Variants in TMEM45A observed in about 807,000 individuals in gnomAD.
The protein encoded by TMEM45A is DNA polymerase-transactivated protein 4.
A neutral mutation model predicts 32.0 loss-of-function variants in TMEM45A; 25 were observed. The observed-to-expected ratio is 0.78, with a 90% CI of 0.57 to 1.09. TMEM45A has a LOEUF of 1.09. Among genes scored for constraint, TMEM45A ranks in the 50% least tolerant of loss-of-function variants. TMEM45A has a pLI of 0.00. For synonymous variants in TMEM45A, 122 were observed against 114.8 expected (o/e 1.06, Z -0.40); for missense variants, 302 against 325.0 (o/e 0.93, Z 0.54).
At chr3:100,535,173 T>A (rs1705719785) in intron 1 of TMEM45A, among the ~76,000 whole-genome samples, 1 of 151,264 alleles carries the variant, frequency 6.6e-6, no homozygotes. Context: ...CAGGCTGGAG[T>A]ACAGTGGTGC....
At chr3:100,521,786 C>G (rs530182590) in intron 1 of TMEM45A, among the ~76,000 whole-genome samples, 1 of 152,322 alleles carries the variant, frequency 6.6e-6, no homozygotes, top group Non-Finnish European at 1.5e-5. Flanking sequence ...GTGGCCAGAG[C>G]CTCCTTGCCA....
intron 1 of TMEM45A, among the ~76,000 whole-genome samples, chr3:100,501,090 T>G (rs532695946): frequency 6.6e-6 from 1 of 152,248 alleles, no homozygotes; most frequent in Admixed American, 6.5e-5. Context: ...AAATACGATA[T>G]GCTTAAGGAA....
intron 1 of TMEM45A, among the ~76,000 whole-genome samples, chr3:100,494,632 A>C (rs1384179549): frequency 2.7e-5 from 4 of 148,350 alleles, no homozygotes; most frequent in Admixed American, 6.7e-5. Flanking sequence ...ACTCCGTCTA[A>C]AAAAAAAAAA....
chr3:100,512,535 A>T (rs1400646607), intron 1 of TMEM45A, among the ~76,000 whole-genome samples: 1 of 152,242 alleles, frequency 6.6e-6, no homozygotes, highest in Non-Finnish European at 1.5e-5. Context: ...AAGATCCAAA[A>T]TTGACACCCT....
At chr3:100,540,192 A>G (rs1348025642) in intron 1 of TMEM45A, among the ~76,000 whole-genome samples, 1 of 152,174 alleles carries the variant, frequency 6.6e-6, no homozygotes, top group Non-Finnish European at 1.5e-5. Flanking sequence ...TTATGGAAAA[A>G]GAAAGGTCTA....
At chr3:100,508,012 G>A (rs1212374293) in intron 1 of TMEM45A, among the ~76,000 whole-genome samples, 1 of 151,510 alleles carries the variant, frequency 6.6e-6, no homozygotes, top group African/African-American at 2.4e-5. Flanking sequence ...GCAGGAAAGT[G>A]ACAGAAAACC....
At chr3:100,574,684 T>G (rs980888185) in intron 5 of TMEM45A, 2 of 152,254 alleles carry the variant, frequency 1.3e-5, no homozygotes, top group African/African-American at 4.8e-5. Flanking sequence ...CTGGCTAGAT[T>G]GTGTCTCCTT....
intron 1 of TMEM45A, among the ~76,000 whole-genome samples, chr3:100,507,040 G>T (rs1359747766): frequency 6.6e-6 from 1 of 152,174 alleles, no homozygotes; most frequent in African/African-American, 2.4e-5. Flanking sequence ...GGAGTGTTCT[G>T]GGATCATGCA....
chr3:100,556,715 C>G (rs1706227246), intron 2 of TMEM45A, 45 bp from the exon 3 acceptor site: 1 of 1,538,890 alleles, frequency 6.5e-7, no homozygotes, highest in Non-Finnish European at 8.9e-7. Context: ...TTCTTGAATT[C>G]TATGTAAAGC....
intron 4 of TMEM45A, among the ~76,000 whole-genome samples, chr3:100,561,715 C>G (rs1422578049): frequency 6.6e-6 from 1 of 152,178 alleles, no homozygotes; most frequent in Non-Finnish European, 1.5e-5. Flanking sequence ...TTCCCAAGCT[C>G]CCTCCAGTCA....
intron 1 of TMEM45A, among the ~76,000 whole-genome samples, chr3:100,527,094 G>A (rs1021228282): frequency 2.0e-5 from 3 of 152,114 alleles, no homozygotes; most frequent in East Asian, 1.9e-4. Flanking sequence ...GCAAGAGACC[G>A]CCTTTCTTTC....
chr3:100,539,613 T>A (rs1240321664), intron 1 of TMEM45A, among the ~76,000 whole-genome samples: 1 of 152,060 alleles, frequency 6.6e-6, no homozygotes, highest in African/African-American at 2.4e-5. Flanking sequence ...TAAGCCTCAG[T>A]GTCCAAAGCC....
chr3:100,523,698 T>TCTC (rs745997119), intron 1 of TMEM45A, among the ~76,000 whole-genome samples: 1 of 122,562 alleles, frequency 8.2e-6, no homozygotes, highest in African/African-American at 3.4e-5. Context: ...TCCTTCTCCT[T>TCTC]CTCCTCCTCC....
chr3:100,568,704 C>T, intron 4 of TMEM45A, 118 bp from the exon 5 acceptor site: 1 of 879,480 alleles, frequency 1.1e-6, no homozygotes, highest in Non-Finnish European at 1.7e-6. Flanking sequence ...TTATCTGTTA[C>T]ATCTTAGATA....
At position 100,558,390 on chromosome 3, in the gene TMEM45A, T is replaced by G. The variant is rs769393403; in HGVS notation, c.404-15T>G. On this transcript the variant is annotated splice_polypyrimidine_tract_variant and intron_variant, in intron 3 of 5. Transcript: ENST00000323523. Reference sequence around the variant, plus strand: ...TGGTTCCACTGAAAAAGACAATCTGTTTTTTCCCCATCAGCCTTTATCTTC... The same window carrying G: ...TGGTTCCACTGAAAAAGACAATCTGGTTTTTCCCCATCAGCCTTTATCTTC... 2 of 1,612,058 alleles carry G rather than the reference T, an allele frequency of 1.2e-6. No individual in the cohort carries two copies. The highest frequency in any genetic ancestry group is 2.7e-5 in the African/African-American group (2 of 74,828).
chr3:100,564,097 C>A (rs1250249062), intron 4 of TMEM45A, among the ~76,000 whole-genome samples: 1 of 152,100 alleles, frequency 6.6e-6, no homozygotes, highest in Non-Finnish European at 1.5e-5. Flanking sequence ...TTTCCTGTTT[C>A]TAAAATAGAC....
At chr3:100,546,998 C>T (rs182319078) in intron 1 of TMEM45A, among the ~76,000 whole-genome samples, 2 of 152,256 alleles carry the variant, frequency 1.3e-5, no homozygotes, top group Non-Finnish European at 2.9e-5. Flanking sequence ...GGTCTGGCCA[C>T]CCCTTGCAGT....
intron 1 of TMEM45A, among the ~76,000 whole-genome samples, chr3:100,502,558 T>C (rs564831201): frequency 3.9e-5 from 6 of 152,208 alleles, no homozygotes; most frequent in Non-Finnish European, 8.8e-5. Context: ...CTTCAACCTC[T>C]TGGGCTCAAG....
rs144415536 is a variant in TMEM45A at position 100,534,078 on chromosome 3, T to G, written c.-3-21131T>G. ...TTGCTCTTCTGTCTCCCAGGCTGAC[T>G]TGGAACCTGAGTCTATAGAGATTCC... On this transcript the variant is annotated intron_variant, in intron 1 of 5. Transcript: ENST00000323523. Among the ~76,000 whole-genome samples the G allele has an allele frequency of 5.3e-5, 8 of 152,304 alleles. No homozygotes were observed. In the East Asian group the frequency reaches 1.5e-3, roughly 29 times the overall value.
Sources: gnomAD v4.1 joint callset for allele counts (sites outside exome capture counted in the v4.1 genomes callset) on GRCh38, gnomAD v4.1.1 for gene constraint, MANE v1.5 for transcripts, NCBI Gene and HGNC (gene_info 2026-07-23, HGNC 2026-07-21) for gene names.